MRPS25: variants seen among roughly 807,000 people sequenced by gnomAD.
MRPS25 encodes the protein small ribosomal subunit protein mS25.
A neutral mutation model predicts 17.3 loss-of-function variants in MRPS25; 15 were observed. The ratio of observed to expected loss-of-function variants is 0.87; its 90% confidence interval spans 0.58 to 1.34. The LOEUF (loss-of-function observed/expected upper bound fraction) is 1.34. MRPS25 is among the 40% of genes most tolerant of loss of function. The pLI, the probability that MRPS25 is intolerant of heterozygous loss-of-function variation, is 0.00. For synonymous variants in MRPS25, 94 were observed against 83.3 expected (o/e 1.13, Z -0.70); for missense variants, 225 against 218.6 (o/e 1.03, Z -0.19).
At chr3:15,058,817 C>G (rs1399851006) in intron 2 of MRPS25, among the ~76,000 whole-genome samples, 1 of 152,114 alleles carries the variant, frequency 6.6e-6, no homozygotes, top group Non-Finnish European at 1.5e-5. Context: ...CTGCCCTCCT[C>G]GTTTTCCAGC....
Position 15,065,312 on chromosome 3 carries a change from C to T in MRPS25, c.-118G>A. ...TCTCCCCAGAGCCAGGTTCCACTTC[C>T]CGCGCAGACGCACAGGAGACGCTTC... On this transcript the variant is annotated 5_prime_UTR_variant, in exon 1 of 4. Coordinates refer to ENST00000253686, the MANE Select transcript of MRPS25 (RefSeq NM_022497.5). 7.2e-7 allele frequency: 1 copy of T among 1,387,458 alleles called. No individual in the cohort carries two copies. The highest frequency in any genetic ancestry group is 1.5e-5 in the South Asian group (1 of 65,926). The allele number at this position is 1,387,458 out of a possible 1,614,324, so 85.9% of individuals were successfully genotyped here.
rs1027383369 is a variant in MRPS25, at chr3:15,048,669, G to C, written c.*3772C>G. On this transcript the variant is annotated 3_prime_UTR_variant, in exon 4 of 4. Coordinates refer to ENST00000253686, the MANE Select transcript of MRPS25 (RefSeq NM_022497.5). ...GACCATAGCATTCATGGACTCAAAT[G>C]CTGCTGCCACACACAACTCAAGTGC... The C allele has an allele frequency of 1.3e-5, 2 of 152,638 alleles. No homozygotes were observed. Among genetic ancestry groups the C allele is most frequent in the African/African-American group, 4.8e-5 (2 of 41,446 alleles). The allele number at this position is 152,638 out of a possible 1,614,324, so 9.5% of individuals were successfully genotyped here.
chr3:15,043,826 T>G (rs1384332288), downstream of MRPS25: 1 of 152,216 alleles, frequency 6.6e-6, no homozygotes, highest in East Asian at 1.9e-4. Flanking sequence ...GTTATCTGAA[T>G]TGGATTGCAA....
At chr3:15,061,946 C>A (rs933137499) in intron 1 of MRPS25, among the ~76,000 whole-genome samples, 4 of 150,676 alleles carry the variant, frequency 2.7e-5, no homozygotes, top group Non-Finnish European at 5.9e-5. Context: ...CCGGCAGCCG[C>A]CCCGTCTGAG....
chr3:15,065,141 C>T lies in MRPS25; in HGVS notation c.54G>A (p.Gln18=). 1 of 1,609,376 alleles carries T rather than the reference C, an allele frequency of 6.2e-7. No individual in the cohort carries two copies. Among genetic ancestry groups the T allele is most frequent in the Non-Finnish European group, 8.5e-7 (1 of 1,178,054 alleles). ...CGGAGTCCTTGAACACCACGTTCCC[C>T]TGGCTCAGATATTGCAGGGTGCGGC... is the stretch of plus-strand genomic sequence containing the variant. ...PIRRTLQYLS[Q]GNVVFKDSVK... The change falls in exon 1 of 4, where the codon CAG becomes CAA. Residue 18 remains glutamine, a synonymous_variant. Transcript: ENST00000253686.
chr3:15,043,856 CAAATGAGATGTACA>C (rs2042357692), downstream of MRPS25: 1 of 152,242 alleles, frequency 6.6e-6, no homozygotes, highest in Non-Finnish European at 1.5e-5. Flanking sequence ...CATTAACTGC[CAAATGAGATGTACA>C]GTTCCTCCAG....
At chr3:15,064,233 T>C (rs781147897) in intron 1 of MRPS25, among the ~76,000 whole-genome samples, 2 of 151,972 alleles carry the variant, frequency 1.3e-5, no homozygotes, top group Non-Finnish European at 2.9e-5. Context: ...GCACTCAGAG[T>C]GTACTCAATA....
Position 15,049,944 on chromosome 3 carries a change from G to T in MRPS25, c.*2497C>A. The T allele has an allele frequency of 1.3e-6, 2 of 1,530,036 alleles. No individual in the cohort carries two copies. Among genetic ancestry groups the T allele is most frequent in the South Asian group, 1.2e-5 (1 of 82,694 alleles). 94.8% of individuals were successfully genotyped at this position (1,530,036 alleles called of 1,614,324 possible). A position where few individuals can be genotyped will look rare whatever the true frequency, so the allele number is the denominator to read the frequency against. On this transcript the variant is annotated 3_prime_UTR_variant, in exon 4 of 4. Coordinates refer to ENST00000253686, the MANE Select transcript of MRPS25 (RefSeq NM_022497.5). ...GTGCTGCCAGGTAGTGCCTCAAAGAGAAGAAAAGTGGTCACTTCAGAATAA... is the reference window on the plus strand; with the variant it reads ...GTGCTGCCAGGTAGTGCCTCAAAGATAAGAAAAGTGGTCACTTCAGAATAA...
chr3:15,060,141 G>T (rs189383662), intron 1 of MRPS25, among the ~76,000 whole-genome samples: 9 of 152,198 alleles, frequency 5.9e-5, no homozygotes, highest in African/African-American at 2.2e-4. Context: ...GGAGGTTTGG[G>T]GGGTGAGAAG....
rs1241932595 is a variant in MRPS25, at chr3:15,050,835, A to T, written c.*1606T>A. 2 of 985,348 alleles carry T rather than the reference A, an allele frequency of 2.0e-6. No homozygotes were observed. The highest frequency in any genetic ancestry group is 6.1e-5 in the Admixed American group (1 of 16,264). The allele number at this position is 985,348 out of a possible 1,614,324, so 61.0% of individuals were successfully genotyped here. On this transcript the variant is annotated 3_prime_UTR_variant, in exon 4 of 4. Transcript: ENST00000253686. ...GGTACAGAATCAAACTTGAGCATCA[A>T]ATGTAAAAGATCCAAATCTGCTCAA...
chr3:15,060,711 T>A (rs1452673239), intron 1 of MRPS25, among the ~76,000 whole-genome samples: 1 of 151,622 alleles, frequency 6.6e-6, no homozygotes, highest in Non-Finnish European at 1.5e-5. Flanking sequence ...TGAAATGCCG[T>A]CTCTACTAAA....
Position 15,052,329 on chromosome 3 carries a change from A to G in MRPS25, c.*112T>C. The G allele has an allele frequency of 6.7e-7, 1 of 1,497,300 alleles. No homozygotes were observed. The highest frequency in any genetic ancestry group is 1.4e-5 in the South Asian group (1 of 72,556). 92.8% of individuals were successfully genotyped at this position (1,497,300 alleles called of 1,614,324 possible). On this transcript the variant is annotated 3_prime_UTR_variant, in exon 4 of 4. Coordinates refer to ENST00000253686, the MANE Select transcript of MRPS25 (RefSeq NM_022497.5). ...TGTAAAGTCCTTTTAATGCAAAAGG[A>G]TTTCCAGAGTCTCCAGGGACAGAAC...
chr3:15,059,351 G>A lies in MRPS25; in HGVS notation c.241+18C>T, dbSNP rs375163211. ...ATGTCTGGGACAGCCCCTGGACCAT[G>A]GCGAGGGCCCCACTCACCTAAGTAG... On this transcript the variant is annotated intron_variant, in intron 2 of 3. Transcript: ENST00000253686. 1.2e-5 allele frequency: 19 copies of A among 1,558,998 alleles called. No individual in the cohort carries two copies. The African/African-American group carries it at 2.3e-4, about 19-fold the overall frequency.
Position 15,053,467 on chromosome 3 carries a change from T to C in MRPS25, c.242A>G (p.Asp81Gly), listed in dbSNP as rs370704781. 25 of 1,614,030 alleles carry C rather than the reference T, an allele frequency of 1.5e-5. No individual in the cohort carries two copies. Among genetic ancestry groups the C allele is most frequent in the Admixed American group, 3.3e-5 (2 of 59,992 alleles). Residue 81 changes from aspartate to glycine, a missense_variant and splice_region_variant, in exon 3 of 4, where the codon GAT becomes GGT. Coordinates refer to ENST00000253686, the MANE Select transcript of MRPS25 (RefSeq NM_022497.5). ...ATCCACCAGGACCTGCTCCCCAGAA[T>C]CTGGAAACGGAAAGCACGGGGCAGA... ...TPSPFLRFYL[D>G]SGEQVLVDVE...
chr3:15,058,574 C>G (rs2042702655), intron 2 of MRPS25, among the ~76,000 whole-genome samples: 1 of 152,218 alleles, frequency 6.6e-6, no homozygotes, highest in Non-Finnish European at 1.5e-5. Flanking sequence ...CTTTGTGTGG[C>G]TTCCTGACAT....
At chr3:15,045,902 A>G (rs2125116719), downstream of MRPS25, 2 of 152,360 alleles carry the variant, frequency 1.3e-5, no homozygotes, top group South Asian at 2.1e-4. Flanking sequence ...TGGGACAGAC[A>G]CATGCTGTCA....
intron 3 of MRPS25, 30 bp downstream of exon 3, chr3:15,053,350 G>C (rs1215287831): frequency 4.3e-6 from 7 of 1,613,950 alleles, no homozygotes; most frequent in Non-Finnish European, 5.9e-6. Context: ...TGAGAAGTTT[G>C]TTCCTTCCAG....
Position 15,048,925 on chromosome 3 carries a change from T to C in MRPS25, c.*3516A>G, listed in dbSNP as rs1365999000. ...TTCTTGGGACCGTTTCTGTAACCTT[T>C]GCCCTTCACAATATAGAAAATATTG... On this transcript the variant is annotated 3_prime_UTR_variant, in exon 4 of 4. Transcript: ENST00000253686. 6.6e-6 allele frequency: 1 copy of C among 152,670 alleles called. No individual in the cohort carries two copies. The highest frequency in any genetic ancestry group is 1.5e-5 in the Non-Finnish European group (1 of 68,038). 9.5% of individuals were successfully genotyped at this position (152,670 alleles called of 1,614,324 possible). A position where few individuals can be genotyped will look rare whatever the true frequency, so the allele number is the denominator to read the frequency against.
Position 15,049,855 on chromosome 3 carries a change from A to G in MRPS25, c.*2586T>C. Reference sequence around the variant, plus strand: ...CTCCAGCCTCAACCTCCTGGGCTCAAGTGATCCTCCTGCCTCAGCCTCCTG... The same window carrying G: ...CTCCAGCCTCAACCTCCTGGGCTCAGGTGATCCTCCTGCCTCAGCCTCCTG... On this transcript the variant is annotated 3_prime_UTR_variant, in exon 4 of 4. Coordinates refer to ENST00000253686, the MANE Select transcript of MRPS25 (RefSeq NM_022497.5). 2 of 1,383,954 alleles carry G rather than the reference A, an allele frequency of 1.4e-6. No homozygotes were observed. Among genetic ancestry groups the G allele is most frequent in the Non-Finnish European group, 2.0e-6 (2 of 1,010,742 alleles). 85.7% of individuals were successfully genotyped at this position (1,383,954 alleles called of 1,614,324 possible).
Sources: allele counts gnomAD v4.1 joint callset (sites outside exome capture counted in the v4.1 genomes callset), GRCh38; gene constraint gnomAD v4.1.1; transcripts MANE v1.5; gene names NCBI Gene and HGNC (gene_info 2026-07-23, HGNC 2026-07-21).